Variants in INTS7 observed in about 807,000 individuals in gnomAD.
INTS7 encodes the protein integrator complex subunit 7.
Under a neutral mutation model 109.2 loss-of-function variants are expected in INTS7, and 46 were observed. That is an observed-to-expected ratio of 0.42 (90% CI 0.33 to 0.54). The LOEUF is 0.54. Ranked by LOEUF, INTS7 falls within the 20% of genes least tolerant of loss-of-function variation. The pLI, the probability that INTS7 is intolerant of heterozygous loss-of-function variation, is 0.07. For missense variants in INTS7, 929 were observed against 1,132.4 expected (o/e 0.82, Z 2.58); for synonymous variants, 412 against 402.9 (o/e 1.02, Z -0.27).
intron 16 of INTS7, among the ~76,000 whole-genome samples, chr1:211,960,007 T>C (rs1663545556): frequency 6.6e-6 from 1 of 152,242 alleles, no homozygotes; most frequent in African/African-American, 2.4e-5. Flanking sequence ...CAACTGAGGA[T>C]GGATCCTGCT....
intron 7 of INTS7, among the ~76,000 whole-genome samples, chr1:212,001,595 T>A (rs1011263406): frequency 6.6e-6 from 1 of 152,182 alleles, no homozygotes; most frequent in Admixed American, 6.5e-5. Flanking sequence ...CAATGTACAT[T>A]CACTGCCTTA....
Position 211,968,528 on chromosome 1 carries a change from A to G in INTS7, c.1995T>C (p.Gly665=). The change falls in exon 14 of 20, where the codon GGT becomes GGC. Residue 665 remains glycine, a synonymous_variant. Coordinates refer to ENST00000366994, the MANE Select transcript of INTS7 (RefSeq NM_015434.4). ...MTLGNDLQRC[G]RISNQMKQSM... is the part of the protein sequence containing the mutation. ...TAAGACATGCCTGATTGGAGATGCG[A>G]CCACACCTCTGGAGGTCATTTCCTA... 3 of 1,613,416 alleles carry G rather than the reference A, an allele frequency of 1.9e-6. No individual in the cohort carries two copies. Among genetic ancestry groups the G allele is most frequent in the Non-Finnish European group, 2.5e-6 (3 of 1,179,606 alleles).
chr1:211,987,660 A>G (rs184783432), intron 8 of INTS7, among the ~76,000 whole-genome samples: 7 of 152,316 alleles, frequency 4.6e-5, no homozygotes, highest in Non-Finnish European at 7.4e-5. Flanking sequence ...CAAAAAAAAA[A>G]GGACAAACCT....
intron 1 of INTS7, among the ~76,000 whole-genome samples, chr1:212,027,130 G>A (rs73072538): frequency 0.034 from 5,201 of 152,220 alleles, 300 homozygotes; most frequent in African/African-American, 0.12. Context: ...TAGGAAAGAG[G>A]TAGTGAGAAT....
Position 212,021,560 on chromosome 1 carries a change from G to A in INTS7, c.95-348C>T, listed in dbSNP as rs539268450. ...TTAGAAATAAGAAAAAAAAAAGCAC[G>A]TTTAACCCATAGGTGGCTCATGCTT... On this transcript the variant is annotated intron_variant, in intron 1 of 19. Coordinates refer to ENST00000366994, the MANE Select transcript of INTS7 (RefSeq NM_015434.4). 4.0e-5 allele frequency among the ~76,000 whole-genome samples: 6 copies of A among 151,546 alleles called. No individual in the cohort carries two copies. The South Asian group carries it at 1.3e-3, about 32-fold the overall frequency.
chr1:211,969,796 G>A (rs1463394182), intron 13 of INTS7, among the ~76,000 whole-genome samples: 1 of 148,748 alleles, frequency 6.7e-6, no homozygotes, highest in African/African-American at 2.4e-5. Context: ...TCGGCTCACT[G>A]CAAGCTCCGT....
rs12759730 is a variant in INTS7 at position 211,946,462 on chromosome 1, C to G, written c.2415+145G>C. The G allele has an allele frequency of 1.9e-6, 1 of 531,412 alleles. No individual in the cohort carries two copies. The highest frequency in any genetic ancestry group is 1.9e-5 in the African/African-American group (1 of 51,284). 32.9% of individuals were successfully genotyped at this position (531,412 alleles called of 1,614,324 possible). On this transcript the variant is annotated intron_variant, in intron 18 of 19. Transcript: ENST00000366994. This position sits in a 1 kb window ranked among gnomAD's most constrained non-coding sequence, Gnocchi z 4.3. Reference sequence around the variant, plus strand: ...CTGTACTCCAGCCCAGGCGACAGGGCGAGACTCTGTCTCAAAAAACAAAAC... The same window carrying G: ...CTGTACTCCAGCCCAGGCGACAGGGGGAGACTCTGTCTCAAAAAACAAAAC...
Position 211,944,878 on chromosome 1 carries a change from T to G in INTS7, c.2507A>C (p.Gln836Pro), listed in dbSNP as rs1432357843. Reference protein sequence around the residue: ...QLALKVEGVVQHGSKPGLFRK... With the variant: ...QLALKVEGVVPHGSKPGLFRK... ...GAAGAGTCCTGGTTTAGATCCGTGC[T>G]GAACCACTCCCTCTACCTTTAGCGC... The change falls in exon 19 of 20, where the codon CAG (glutamine) becomes CCG (proline). Residue 836 changes from glutamine to proline, a missense_variant. Physicochemically the swap from Gln to Pro is moderately conservative, Grantham distance 76. Around this residue, in one of 2 missense-constraint regions of INTS7, gnomAD observed 787 missense variants for 901.1 expected, o/e 0.87. Transcript: ENST00000366994. The G allele has an allele frequency of 6.2e-7, 1 of 1,614,202 alleles. No individual in the cohort carries two copies. The highest frequency in any genetic ancestry group is 8.5e-7 in the Non-Finnish European group (1 of 1,180,006).
chr1:212,018,932 A>G (rs958463358), intron 3 of INTS7, among the ~76,000 whole-genome samples: 2 of 152,184 alleles, frequency 1.3e-5, no homozygotes, highest in African/African-American at 4.8e-5. Flanking sequence ...ATATTTGCTG[A>G]AGTAAAGGGT....
At position 211,975,195 on chromosome 1, in the gene INTS7, A is replaced by C; in HGVS notation, c.1786T>G (p.Phe596Val). Residue 596 changes from phenylalanine (F) to valine (V), a missense_variant, in exon 13 of 20, where the codon TTC becomes GTC. Transcript: ENST00000366994. ...AAGGAAGCAATCCCTTTGTGATAGA[A>C]TTTTAAAGATTCAGCAATGCAAGAA... ...ALSCIAESLK[F>V]YHKGIASLTA... 1.2e-6 allele frequency: 2 copies of C among 1,613,702 alleles called. No homozygotes were observed. Among genetic ancestry groups the C allele is most frequent in the Non-Finnish European group, 1.7e-6 (2 of 1,179,596 alleles).
intron 2 of INTS7, 109 bp downstream of exon 2, chr1:212,020,974 G>A: frequency 1.0e-6 from 1 of 998,190 alleles, no homozygotes; most frequent in South Asian, 1.8e-5. Flanking sequence ...GTCCACTAAT[G>A]GTAACTAACC....
chr1:212,003,294 C>G (rs373441871), intron 7 of INTS7, among the ~76,000 whole-genome samples: 1 of 44,210 alleles, frequency 2.3e-5, no homozygotes, highest in Non-Finnish European at 4.3e-5. Context: ...TCAAAGAGAA[C>G]AATTTTAAAG....
At chr1:212,022,479 A>C (rs1039588781) in intron 1 of INTS7, among the ~76,000 whole-genome samples, 3 of 152,164 alleles carry the variant, frequency 2.0e-5, no homozygotes, top group African/African-American at 7.2e-5. Context: ...AATGGACAAG[A>C]ATTGAAGAGA....
chr1:212,022,604 C>T (rs554269760), intron 1 of INTS7, among the ~76,000 whole-genome samples: 1 of 152,188 alleles, frequency 6.6e-6, no homozygotes, highest in African/African-American at 2.4e-5. Flanking sequence ...TACACATTCA[C>T]TAGAATGGCA....
chr1:211,943,691 T>C (rs189148429), intron 19 of INTS7, among the ~76,000 whole-genome samples: 1 of 152,256 alleles, frequency 6.6e-6, no homozygotes, highest in East Asian at 1.9e-4. Context: ...TAGTAATGGC[T>C]TAAGAAAGTA....
At position 211,952,444 on chromosome 1, in the gene INTS7, C is replaced by T. The variant is rs35080052; in HGVS notation, c.2316+125G>A. ...CAATGCTGTGAGGTAGGTATTAACC[C>T]TGTTTTATGGATAAGGAAACAGGCA... is the stretch of plus-strand genomic sequence containing the variant. On this transcript the variant is annotated intron_variant, in intron 17 of 19. Coordinates refer to ENST00000366994, the MANE Select transcript of INTS7 (RefSeq NM_015434.4). 1.3e-3 allele frequency: 1,225 copies of T among 930,086 alleles called. 13 individuals are homozygous for T. In the African/African-American group the frequency reaches 0.019, roughly 14 times the overall value. The allele number at this position is 930,086 out of a possible 1,614,324, so 57.6% of individuals were successfully genotyped here. A position where few individuals can be genotyped will look rare whatever the true frequency, so the allele number is the denominator to read the frequency against.
chr1:211,981,049 C>T (rs760413310), intron 10 of INTS7, 44 bp downstream of exon 10: 27 of 1,225,346 alleles, frequency 2.2e-5, no homozygotes, highest in Non-Finnish European at 3.0e-5. Context: ...TTGCCTAAGA[C>T]CATCATATAT....
chr1:211,985,123 A>C (rs1184620614), intron 8 of INTS7, among the ~76,000 whole-genome samples: 1 of 152,208 alleles, frequency 6.6e-6, no homozygotes, highest in East Asian at 1.9e-4. Context: ...TCTATGTACA[A>C]GTTTAATAAT....
rs753706990 is a variant in INTS7, at chr1:212,007,453, G to C, written c.557-4C>G. The C allele has an allele frequency of 4.1e-5, 66 of 1,603,302 alleles. 1 individual carries two copies. The South Asian group carries it at 6.8e-4, about 17-fold the overall frequency. On this transcript the variant is annotated splice_region_variant and splice_polypyrimidine_tract_variant and intron_variant, in intron 5 of 19. Coordinates refer to ENST00000366994, the MANE Select transcript of INTS7 (RefSeq NM_015434.4). ...AAGTCTACTGGTGTCGCTAAACCTA[G>C]ACACAAAAATAATTCTCAAGGTATT...
Sources: allele counts gnomAD v4.1 joint callset (sites outside exome capture counted in the v4.1 genomes callset), GRCh38; gene constraint gnomAD v4.1.1; regional missense constraint gnomAD v4.1.1; non-coding constraint Gnocchi (gnomAD v3.1); transcripts MANE v1.5; gene names NCBI Gene and HGNC (gene_info 2026-07-23, HGNC 2026-07-21).